VPS37A: variants seen among roughly 807,000 people sequenced by gnomAD.
The protein encoded by VPS37A is vacuolar protein sorting-associated protein 37A.
In VPS37A, 30 loss-of-function variants were observed where a neutral mutation model predicts 49.8. The ratio of observed to expected loss-of-function variants is 0.60; its 90% confidence interval spans 0.45 to 0.82. The LOEUF (loss-of-function observed/expected upper bound fraction) is 0.82. Ranked by LOEUF, VPS37A falls within the 40% of genes least tolerant of loss-of-function variation. The probability of loss-of-function intolerance (pLI) is 0.00; values close to 1 mark genes in which losing one functional copy is unlikely to be tolerated. For missense variants in VPS37A, 593 were observed against 464.4 expected (o/e 1.28, Z -2.55); for synonymous variants, 195 against 160.6 (o/e 1.21, Z -1.62).
chr8:17,291,307 C>A (rs989979225), intron 11 of VPS37A, among the ~76,000 whole-genome samples: 2 of 152,138 alleles, frequency 1.3e-5, no homozygotes, highest in Admixed American at 6.6e-5. Context: ...GCCACCATGC[C>A]CATACGATCT....
chr8:17,332,536 G>A, the VPS37A span, among the ~76,000 whole-genome samples: 1 of 152,166 alleles, frequency 6.6e-6, no homozygotes, highest in East Asian at 1.9e-4. Flanking sequence ...TTACGATGGG[G>A]TTATATCATG....
Position 17,296,310 on chromosome 8 carries a change from A to C in VPS37A, c.*1324A>C, listed in dbSNP as rs894308905. On this transcript the variant is annotated 3_prime_UTR_variant, in exon 12 of 12. Coordinates refer to ENST00000324849, the MANE Select transcript of VPS37A (RefSeq NM_152415.3). ...ATGTTGGATACAGAAAATAACTTTC[A>C]TTGTCTTCCTGACACTGTGCTAAGG... 1.3e-5 allele frequency: 2 copies of C among 152,158 alleles called. No individual in the cohort carries two copies. Among genetic ancestry groups the C allele is most frequent in the Non-Finnish European group, 2.9e-5 (2 of 68,014 alleles). The allele number at this position is 152,158 out of a possible 1,614,324, so 9.4% of individuals were successfully genotyped here. A position where few individuals can be genotyped will look rare whatever the true frequency, so the allele number is the denominator to read the frequency against.
intron 1 of VPS37A, among the ~76,000 whole-genome samples, chr8:17,254,360 A>G (rs1015563590): frequency 6.6e-6 from 1 of 152,160 alleles, no homozygotes; most frequent in Non-Finnish European, 1.5e-5. Flanking sequence ...CTCTGTGTTA[A>G]TCTGAATGCA....
the VPS37A span, among the ~76,000 whole-genome samples, chr8:17,320,809 T>C: frequency 2.0e-5 from 3 of 152,158 alleles, no homozygotes; most frequent in Non-Finnish European, 4.4e-5. Flanking sequence ...GTGGAAAGCA[T>C]GGCAAATTCC....
chr8:17,309,564 C>T, the VPS37A span, among the ~76,000 whole-genome samples: 1 of 152,210 alleles, frequency 6.6e-6, no homozygotes, highest in African/African-American at 2.4e-5. Flanking sequence ...AGGAACCCCA[C>T]CCGCTGAATG....
At chr8:17,260,103 A>T (rs889444703) in intron 1 of VPS37A, among the ~76,000 whole-genome samples, 1 of 151,792 alleles carries the variant, frequency 6.6e-6, no homozygotes, top group East Asian at 1.9e-4. Context: ...CATTTTGTTG[A>T]TTGTTTTCTG....
At chr8:17,301,234 G>C (rs1023723919), downstream of VPS37A, among the ~76,000 whole-genome samples, 16 of 152,184 alleles carry the variant, frequency 1.1e-4, no homozygotes, top group African/African-American at 3.9e-4. Context: ...AGCAGAGAGA[G>C]GCAGAGTTCA....
the VPS37A span, among the ~76,000 whole-genome samples, chr8:17,316,860 G>T: frequency 6.6e-6 from 1 of 152,120 alleles, no homozygotes; most frequent in South Asian, 2.1e-4. Flanking sequence ...AGAATCTATG[G>T]GGGCTGGGGT....
At chr8:17,318,198 G>C in the VPS37A span, among the ~76,000 whole-genome samples, 1 of 152,084 alleles carries the variant, frequency 6.6e-6, no homozygotes, top group Non-Finnish European at 1.5e-5. Flanking sequence ...TTTGGGATCC[G>C]AACACACCTT....
intron 9 of VPS37A, among the ~76,000 whole-genome samples, chr8:17,282,659 T>A (rs565571007): frequency 4.7e-4 from 72 of 152,216 alleles, no homozygotes; most frequent in African/African-American, 1.6e-3. Context: ...AAATGTCCAA[T>A]AAAGATTCTG....
chr8:17,279,530 C>G (rs1814836214), intron 6 of VPS37A, among the ~76,000 whole-genome samples: 1 of 152,030 alleles, frequency 6.6e-6, no homozygotes. Flanking sequence ...ATCAGTAAGT[C>G]TGGTTCCTAT....
At chr8:17,301,251 G>T (rs1464660086), downstream of VPS37A, among the ~76,000 whole-genome samples, 1 of 152,190 alleles carries the variant, frequency 6.6e-6, no homozygotes, top group African/African-American at 2.4e-5. Context: ...TTCATGCAAT[G>T]TAAGAATTTC....
chr8:17,302,120 C>T (rs1424493048), downstream of VPS37A: 3 of 1,613,402 alleles, frequency 1.9e-6, no homozygotes, highest in Admixed American at 5.0e-5. Context: ...GAAATAAGCA[C>T]AGAAAATAGA....
rs77202974 is a variant in VPS37A, at chr8:17,277,452, C to T, written c.713+985C>T. On this transcript the variant is annotated intron_variant, in intron 6 of 11. Coordinates refer to ENST00000324849, the MANE Select transcript of VPS37A (RefSeq NM_152415.3). ...AAGAAACTAGTATAATGAGCCACCA[C>T]GTATCCATCATGTGGCAACAACAGC... is the stretch of plus-strand genomic sequence containing the variant. 3.1e-3 allele frequency among the ~76,000 whole-genome samples: 471 copies of T among 152,092 alleles called. 2 individuals are homozygous for T. Among genetic ancestry groups the T allele is most frequent in the African/African-American group, 0.01 (425 of 41,504 alleles).
intron 11 of VPS37A, among the ~76,000 whole-genome samples, chr8:17,287,359 T>C (rs574973115): frequency 5.9e-5 from 9 of 152,280 alleles, no homozygotes; most frequent in Non-Finnish European, 1.2e-4. Context: ...TGTTTCTTAT[T>C]TCTGCATCTC....
At chr8:17,298,204 A>T (rs1211651861), downstream of VPS37A, 1 of 152,108 alleles carries the variant, frequency 6.6e-6, no homozygotes, top group African/African-American at 2.4e-5. Context: ...TTACCACTAT[A>T]TCCTAAGTTT....
chr8:17,320,778 G>A, the VPS37A span, among the ~76,000 whole-genome samples: 105 of 152,274 alleles, frequency 6.9e-4, no homozygotes, highest in African/African-American at 2.4e-3. Context: ...GCCTATGCAC[G>A]CGGCCCTGAA....
rs144585811 is a variant in VPS37A at position 17,289,776 on chromosome 8, C to T, written c.*3349C>T. ...TAGCTCGATGGGAACAGCATAGAATCTATAAATTACTTTGGTCAGTATGGC... is the reference window on the plus strand; with the variant it reads ...TAGCTCGATGGGAACAGCATAGAATTTATAAATTACTTTGGTCAGTATGGC... On this transcript the variant is annotated intron_variant, in intron 11 of 11. Transcript: ENST00000324849. Among the ~76,000 whole-genome samples the T allele has an allele frequency of 2.0e-5, 3 of 152,190 alleles. No individual in the cohort carries two copies. In the East Asian group the frequency reaches 5.8e-4, roughly 29 times the overall value.
At chr8:17,250,394 G>C (rs1811862532) in intron 1 of VPS37A, among the ~76,000 whole-genome samples, 1 of 152,138 alleles carries the variant, frequency 6.6e-6, no homozygotes, top group South Asian at 2.1e-4. Context: ...TATTCTAAAG[G>C]TGTGGTGTGT....
Sources: allele counts gnomAD v4.1 joint callset (sites outside exome capture counted in the v4.1 genomes callset), GRCh38; gene constraint gnomAD v4.1.1; transcripts MANE v1.5; gene names NCBI Gene and HGNC (gene_info 2026-07-23, HGNC 2026-07-21).